Variants in KLHL29 observed in about 807,000 individuals in gnomAD.
The protein encoded by KLHL29 is kelch like family member 29, also known as kelch-like protein 29.
A neutral mutation model predicts 80.4 loss-of-function variants in KLHL29; 21 were observed. The observed-to-expected ratio is 0.26, with a 90% CI of 0.19 to 0.38. The LOEUF (loss-of-function observed/expected upper bound fraction) is 0.38, where lower values mean the gene tolerates loss of function less well. Among genes scored for constraint, KLHL29 ranks in the 10% least tolerant of loss-of-function variants. KLHL29 has a pLI of 1.00. For missense variants in KLHL29, 867 were observed against 1,223.9 expected (o/e 0.71, Z 4.35); for synonymous variants, 511 against 526.8 (o/e 0.97, Z 0.41).
intron 1 of KLHL29, among the ~76,000 whole-genome samples, chr2:23,421,637 C>T (rs138278511): frequency 2.6e-3 from 360 of 140,054 alleles, no homozygotes; most frequent in African/African-American, 9.0e-3. Flanking sequence ...GTTCATGTGC[C>T]TGTGTGTCTT....
chr2:23,484,105 C>G (rs1482291293), intron 2 of KLHL29, among the ~76,000 whole-genome samples: 2 of 152,188 alleles, frequency 1.3e-5, no homozygotes, highest in Non-Finnish European at 2.9e-5. Context: ...CATGAGTCAA[C>G]CAGACCCAGG....
At position 23,684,685 on chromosome 2, in the gene KLHL29, TCC is replaced by T; in HGVS notation, c.1079+151_1079+152del. ...TCTCTCCTCCTCCTCCTCCTCCTCC[TCC>T]CCAGTACCCTCTCACACACAGCCTC... is the stretch of plus-strand genomic sequence containing the variant. On this transcript the variant is annotated intron_variant, in intron 6 of 13. Coordinates refer to ENST00000486442, the MANE Select transcript of KLHL29 (RefSeq NM_052920.2). The surrounding 1 kb of genome is among the most constrained non-coding windows in gnomAD (Gnocchi z 4.4). 2.2e-6 allele frequency: 1 copy of T among 456,880 alleles called. No individual in the cohort carries two copies. Among genetic ancestry groups the T allele is most frequent in the Non-Finnish European group, 3.7e-6 (1 of 272,698 alleles). The allele number at this position is 456,880 out of a possible 1,614,324, so 28.3% of individuals were successfully genotyped here. A position where few individuals can be genotyped will look rare whatever the true frequency, so the allele number is the denominator to read the frequency against.
At chr2:23,703,426 G>A (rs936688701) in intron 12 of KLHL29, 47 bp downstream of exon 12, 16 of 1,400,248 alleles carry the variant, frequency 1.1e-5, no homozygotes, top group Non-Finnish European at 1.5e-5. Context: ...TCGCATCCCT[G>A]CCTTGCTGAT....
intron 3 of KLHL29, among the ~76,000 whole-genome samples, chr2:23,584,386 G>A (rs557386639): frequency 1.3e-5 from 2 of 152,360 alleles, no homozygotes; most frequent in East Asian, 3.9e-4. Context: ...TCCCAGCTTC[G>A]CCCTCTGGGG....
chr2:23,685,484 C>G (rs924439818), intron 6 of KLHL29: 2 of 152,248 alleles, frequency 1.3e-5, no homozygotes, highest in Admixed American at 1.3e-4. Flanking sequence ...ACCTCTGCTT[C>G]CCAATGCCGT....
At chr2:23,566,316 AC>A (rs1360459590) in intron 3 of KLHL29, among the ~76,000 whole-genome samples, 1 of 152,170 alleles carries the variant, frequency 6.6e-6, no homozygotes, top group Non-Finnish European at 1.5e-5. Context: ...GAGCAGAGTG[AC>A]CACGTCCTCC....
intron 2 of KLHL29, among the ~76,000 whole-genome samples, chr2:23,526,281 C>G (rs28445516): frequency 1.3e-5 from 2 of 151,108 alleles, no homozygotes. Context: ...TCGGAGGAAG[C>G]GTCACAGGGG....
chr2:23,652,432 G>A (rs1392481420), intron 5 of KLHL29, among the ~76,000 whole-genome samples: 1 of 152,226 alleles, frequency 6.6e-6, no homozygotes, highest in African/African-American at 2.4e-5. Context: ...GCCATCCAGA[G>A]CAAAGCTGGT....
intron 3 of KLHL29, among the ~76,000 whole-genome samples, chr2:23,584,883 C>A (rs757100802): frequency 1.1e-4 from 17 of 152,138 alleles, no homozygotes; most frequent in Non-Finnish European, 2.4e-4. Flanking sequence ...ATTACAGGCG[C>A]CTGCCACCAT....
intron 1 of KLHL29, among the ~76,000 whole-genome samples, chr2:23,441,031 T>C (rs1024674576): frequency 1.3e-5 from 2 of 152,126 alleles, no homozygotes; most frequent in African/African-American, 4.8e-5. Flanking sequence ...CATGCACACG[T>C]ATGTTTATTG....
chr2:23,552,169 G>A (rs1488868915), intron 2 of KLHL29, among the ~76,000 whole-genome samples: 1 of 152,186 alleles, frequency 6.6e-6, no homozygotes, highest in East Asian at 1.9e-4. Flanking sequence ...ATCCTCTTTG[G>A]CTTTGTGTAA....
intron 3 of KLHL29, among the ~76,000 whole-genome samples, chr2:23,607,020 G>C (rs1289333110): frequency 6.6e-6 from 1 of 152,206 alleles, no homozygotes; most frequent in Non-Finnish European, 1.5e-5. Context: ...GCAAGCTCTG[G>C]TCTCATGAGC....
chr2:23,684,726 C>T lies in KLHL29; in HGVS notation c.1079+189C>T, dbSNP rs528668203. On this transcript the variant is annotated intron_variant, in intron 6 of 13. Transcript: ENST00000486442. This position sits in a 1 kb window ranked among gnomAD's most constrained non-coding sequence, Gnocchi z 4.4. The stretch of plus-strand genomic sequence containing the variant: ...ACACACAGCCTCAGAGCAGCCACTG[C>T]GCCCAGCACCCGCCCCCACCCACAG... 6.5e-4 allele frequency among the ~76,000 whole-genome samples: 99 copies of T among 152,310 alleles called. No homozygotes were observed. Among genetic ancestry groups the T allele is most frequent in the African/African-American group, 2.3e-3 (95 of 41,570 alleles).
At chr2:23,479,105 G>A (rs897634924) in intron 2 of KLHL29, among the ~76,000 whole-genome samples, 19 of 151,422 alleles carry the variant, frequency 1.3e-4, no homozygotes, top group Admixed American at 6.6e-4. Context: ...CTGCTGCTCC[G>A]GCCGACACAG....
chr2:23,627,346 A>G (rs949975462), intron 3 of KLHL29, among the ~76,000 whole-genome samples: 5 of 152,232 alleles, frequency 3.3e-5, no homozygotes, highest in Admixed American at 6.5e-5. Flanking sequence ...CGTGGCTCTC[A>G]TTACAGACAG....
intron 2 of KLHL29, among the ~76,000 whole-genome samples, chr2:23,544,550 A>C (rs1047579181): frequency 3.9e-5 from 6 of 152,212 alleles, no homozygotes; most frequent in African/African-American, 1.4e-4. Context: ...CACTCCAGAG[A>C]GGGGACACAC....
chr2:23,546,542 C>T (rs1274862901), intron 2 of KLHL29, among the ~76,000 whole-genome samples: 2 of 152,166 alleles, frequency 1.3e-5, no homozygotes, highest in African/African-American at 2.4e-5. Context: ...AGGAGCTAGA[C>T]AGCCCCAGGG....
chr2:23,414,291 G>A (rs1279556903), intron 1 of KLHL29, among the ~76,000 whole-genome samples: 1 of 151,956 alleles, frequency 6.6e-6, no homozygotes, highest in African/African-American at 2.4e-5. Flanking sequence ...GGTTCAGGGA[G>A]ACTGGGCAGA....
At position 23,536,383 on chromosome 2, in the gene KLHL29, G is replaced by T. The variant is rs1394895126; in HGVS notation, c.-45-25769G>T. ...GACGGCAGCTTGGCTGTCAGAGCGG[G>T]TTGGCTCCTGGCCTGTAATTCAGAA... On this transcript the variant is annotated intron_variant, in intron 2 of 13. Coordinates refer to ENST00000486442, the MANE Select transcript of KLHL29 (RefSeq NM_052920.2). Among the ~76,000 whole-genome samples the T allele has an allele frequency of 2.0e-5, 3 of 152,344 alleles. No homozygotes were observed. In the East Asian group the frequency reaches 5.8e-4, roughly 29 times the overall value.
Sources: gnomAD v4.1 joint callset for allele counts (sites outside exome capture counted in the v4.1 genomes callset) on GRCh38, gnomAD v4.1.1 for gene constraint, Gnocchi (gnomAD v3.1) non-coding constraint, MANE v1.5 for transcripts, NCBI Gene and HGNC (gene_info 2026-07-23, HGNC 2026-07-21) for gene names.